Variants in SNX29 observed in about 807,000 individuals in gnomAD.
SNX29 encodes sorting nexin 29, also known as sorting nexin-29.
A neutral mutation model predicts 102.1 loss-of-function variants in SNX29; 78 were observed. The observed-to-expected ratio is 0.76, with a 90% CI of 0.64 to 0.92. The LOEUF (loss-of-function observed/expected upper bound fraction) is 0.92. Among genes scored for constraint, SNX29 ranks in the 40% least tolerant of loss-of-function variants. The pLI, the probability that SNX29 is intolerant of heterozygous loss-of-function variation, is 0.00. For synonymous variants in SNX29, 580 were observed against 414.5 expected (o/e 1.40, Z -4.85); for missense variants, 1,280 against 1,061.7 (o/e 1.21, Z -2.86).
At chr16:12,481,088 C>G (rs377142511) in intron 19 of SNX29, among the ~76,000 whole-genome samples, 5 of 152,148 alleles carry the variant, frequency 3.3e-5, no homozygotes, top group Non-Finnish European at 5.9e-5. Context: ...CCTATGAAGC[C>G]TGTGTCAGCC....
intron 14 of SNX29, among the ~76,000 whole-genome samples, chr16:12,203,999 G>T (rs1437825921): frequency 6.6e-6 from 1 of 152,156 alleles, no homozygotes; most frequent in African/African-American, 2.4e-5. Context: ...CACCTTACCT[G>T]GATGGCTCTG....
intron 14 of SNX29, among the ~76,000 whole-genome samples, chr16:12,204,860 C>T (rs568162315): frequency 3.5e-4 from 53 of 152,228 alleles, no homozygotes; most frequent in African/African-American, 1.2e-3. Context: ...CAGCGATTCC[C>T]GATTCCACTC....
chr16:12,182,436 A>G (rs1174318069), intron 13 of SNX29, among the ~76,000 whole-genome samples: 1 of 152,056 alleles, frequency 6.6e-6, no homozygotes, highest in Non-Finnish European at 1.5e-5. Context: ...TTGCTTCACA[A>G]AAGTAATTAC....
intron 13 of SNX29, among the ~76,000 whole-genome samples, chr16:12,196,093 A>G (rs527988073): frequency 4.1e-5 from 6 of 145,522 alleles, no homozygotes; most frequent in African/African-American, 1.5e-4. Flanking sequence ...CTCCCACCTC[A>G]GCCTCCCAAG....
At chr16:12,503,389 G>C (rs1373732189) in intron 19 of SNX29, among the ~76,000 whole-genome samples, 1 of 152,186 alleles carries the variant, frequency 6.6e-6, no homozygotes, top group Non-Finnish European at 1.5e-5. Context: ...CGAGTGGTGG[G>C]AAGAGGCTTT....
chr16:12,473,131 C>CA (rs1307518503), intron 18 of SNX29, among the ~76,000 whole-genome samples: 1 of 152,148 alleles, frequency 6.6e-6, no homozygotes, highest in East Asian at 1.9e-4. Flanking sequence ...AAAATTCTAA[C>CA]AATTTTGGGC....
intron 18 of SNX29, among the ~76,000 whole-genome samples, chr16:12,472,829 A>G (rs2087423697): frequency 6.6e-6 from 1 of 152,140 alleles, no homozygotes; most frequent in African/African-American, 2.4e-5. Context: ...TTCTCAGTGG[A>G]AAAGAAATCT....
At chr16:12,012,990 AGGATGCATG>A (rs1277416962) in intron 3 of SNX29, among the ~76,000 whole-genome samples, 1 of 143,878 alleles carries the variant, frequency 7.0e-6, no homozygotes, top group Non-Finnish European at 1.5e-5. Flanking sequence ...GCTTCTGCCC[AGGATGCATG>A]GGTTGGGGTG....
chr16:12,088,494 G>A (rs1282911370), intron 11 of SNX29, among the ~76,000 whole-genome samples: 1 of 152,194 alleles, frequency 6.6e-6, no homozygotes, highest in South Asian at 2.1e-4. Context: ...TTGGCTCAGG[G>A]AGCGTAAGGA....
chr16:12,235,761 G>A (rs542396641), intron 14 of SNX29, among the ~76,000 whole-genome samples: 22 of 151,966 alleles, frequency 1.4e-4, no homozygotes, highest in Non-Finnish European at 2.8e-4. Flanking sequence ...CACAATAAAG[G>A]TGGATGAAAA....
At chr16:12,193,883 G>T (rs1362554671) in intron 13 of SNX29, among the ~76,000 whole-genome samples, 2 of 152,190 alleles carry the variant, frequency 1.3e-5, no homozygotes, top group African/African-American at 4.8e-5. Context: ...TTGGCTTGAG[G>T]GCTGTAGCTT....
intron 16 of SNX29, among the ~76,000 whole-genome samples, chr16:12,376,636 G>T (rs759724765): frequency 2.0e-5 from 3 of 150,622 alleles, no homozygotes; most frequent in Admixed American, 6.6e-5. Flanking sequence ...CTCAGGAGGC[G>T]GAGGCAGGGA....
At chr16:12,449,577 G>A (rs967846250) in intron 18 of SNX29, among the ~76,000 whole-genome samples, 9 of 152,178 alleles carry the variant, frequency 5.9e-5, no homozygotes, top group Non-Finnish European at 1.0e-4. Flanking sequence ...GCAGGCACGG[G>A]TTGATCAGGG....
intron 13 of SNX29, among the ~76,000 whole-genome samples, chr16:12,169,365 G>A (rs1049745963): frequency 2.6e-5 from 4 of 152,138 alleles, no homozygotes; most frequent in Non-Finnish European, 5.9e-5. Flanking sequence ...TGTAGCTCTC[G>A]TGGGTGGGAG....
chr16:12,095,578 C>A (rs1478611256), intron 11 of SNX29, among the ~76,000 whole-genome samples: 1 of 152,222 alleles, frequency 6.6e-6, no homozygotes, highest in Non-Finnish European at 1.5e-5. Flanking sequence ...CATTGCCAGT[C>A]ACTTTGTGGT....
chr16:12,270,347 G>A (rs1485474233), intron 14 of SNX29, among the ~76,000 whole-genome samples: 2 of 152,184 alleles, frequency 1.3e-5, no homozygotes, highest in East Asian at 1.9e-4. Flanking sequence ...GTAGAATGGT[G>A]TTGTCATCTG....
At chr16:12,218,805 C>T (rs1439344212) in intron 14 of SNX29, among the ~76,000 whole-genome samples, 5 of 152,004 alleles carry the variant, frequency 3.3e-5, no homozygotes, top group East Asian at 1.9e-4. Context: ...GACACAGTCT[C>T]GCTTTGTTGC....
At chr16:12,435,270 T>C (rs567626108) in intron 18 of SNX29, among the ~76,000 whole-genome samples, 3 of 152,328 alleles carry the variant, frequency 2.0e-5, no homozygotes, top group East Asian at 3.9e-4. Context: ...TCTTAGCCAG[T>C]ATTGAGAATA....
At chr16:12,495,687 C>G (rs550109697) in intron 19 of SNX29, among the ~76,000 whole-genome samples, 1 of 152,336 alleles carries the variant, frequency 6.6e-6, no homozygotes, top group African/African-American at 2.4e-5. Context: ...GGAGATATCA[C>G]TGCCCTGTAG....
Sources: gnomAD v4.1 joint callset for allele counts (sites outside exome capture counted in the v4.1 genomes callset) on GRCh38, gnomAD v4.1.1 for gene constraint, MANE v1.5 for transcripts, NCBI Gene and HGNC (gene_info 2026-07-23, HGNC 2026-07-21) for gene names.